PRR23E: variants seen among roughly 807,000 people sequenced by gnomAD.
PRR23E encodes PRR23 family member E, also known as proline-rich protein 23E.
At chr3:127,196,246 G>A in the PRR23E span, among the ~76,000 whole-genome samples, 1 of 152,176 alleles carries the variant, frequency 6.6e-6, no homozygotes, top group Admixed American at 6.5e-5. Flanking sequence ...GTCAGCTTAG[G>A]GGCTTTGCTG....
At chr3:127,196,129 G>A in the PRR23E span, among the ~76,000 whole-genome samples, 4 of 152,160 alleles carry the variant, frequency 2.6e-5, no homozygotes, top group Admixed American at 2.0e-4. Flanking sequence ...TGCTTTGTGG[G>A]GCAAGCATCT....
At chr3:127,196,660 G>T in the PRR23E span, 1 of 1,561,238 alleles carries the variant, frequency 6.4e-7, no homozygotes, top group Non-Finnish European at 8.6e-7. Flanking sequence ...ACACTTCGGG[G>T]CTTTGAAGAG....
At chr3:127,193,622 C>T in the PRR23E span, among the ~76,000 whole-genome samples, 830 of 152,296 alleles carry the variant, frequency 5.4e-3, 7 homozygotes, top group South Asian at 0.033. Flanking sequence ...TTAATGTGTT[C>T]TCTGTTCTGC....
chr3:127,196,551 G>C, the PRR23E span: 5 of 1,395,530 alleles, frequency 3.6e-6, no homozygotes, highest in Middle Eastern at 2.2e-4. Flanking sequence ...GTGCGACCTG[G>C]TCTCCCTGCC....
the PRR23E span, chr3:127,197,257 C>T: frequency 1.9e-6 from 3 of 1,599,446 alleles, no homozygotes; most frequent in East Asian, 6.7e-5. Flanking sequence ...TCAGAATGGG[C>T]CTCCAGGTTC....
chr3:127,195,294 G>A, the PRR23E span, among the ~76,000 whole-genome samples: 1 of 152,104 alleles, frequency 6.6e-6, no homozygotes, highest in Non-Finnish European at 1.5e-5. Context: ...TTCCTTTCCC[G>A]GGCCGGTTTC....
At chr3:127,193,434 A>G in the PRR23E span, among the ~76,000 whole-genome samples, 57 of 151,702 alleles carry the variant, frequency 3.8e-4, no homozygotes, top group African/African-American at 1.4e-3. Flanking sequence ...CTTCTCTTGC[A>G]GTTCAGCAGG....
the PRR23E span, among the ~76,000 whole-genome samples, chr3:127,194,392 C>T: frequency 6.6e-6 from 1 of 152,246 alleles, no homozygotes; most frequent in Non-Finnish European, 1.5e-5. Context: ...TGTGTTGGGC[C>T]ATATTCAAAG....
chr3:127,197,404 T>C, the PRR23E span: 2 of 1,554,992 alleles, frequency 1.3e-6, no homozygotes, highest in Non-Finnish European at 1.7e-6. Flanking sequence ...CGCCGCCTCT[T>C]TGAGTGCTAA....
chr3:127,197,056 C>T, the PRR23E span: 8 of 1,594,400 alleles, frequency 5.0e-6, no homozygotes, highest in African/African-American at 9.4e-5. Context: ...GCTGCCTTGG[C>T]CCCCAACCTA....
the PRR23E span, chr3:127,197,378 A>G: frequency 6.4e-7 from 1 of 1,550,824 alleles, no homozygotes; most frequent in Non-Finnish European, 8.7e-7. Context: ...CCTCCCGGTC[A>G]CCCTGCAGGG....
chr3:127,197,021 C>A, the PRR23E span: 39 of 1,596,952 alleles, frequency 2.4e-5, no homozygotes, highest in Non-Finnish European at 3.2e-5. Flanking sequence ...CCAGCTTTGA[C>A]CCCCTCATAG....
At chr3:127,197,280 C>T in the PRR23E span, 1 of 1,599,442 alleles carries the variant, frequency 6.3e-7, no homozygotes, top group Admixed American at 1.7e-5. Context: ...TATTTGGGCA[C>T]CTTTGCCCTG....
the PRR23E span, chr3:127,196,616 G>A: frequency 6.7e-7 from 1 of 1,482,788 alleles, no homozygotes. Context: ...TGAGGTGCGT[G>A]TGGCCTCAGC....
chr3:127,193,568 T>C, the PRR23E span, among the ~76,000 whole-genome samples: 2 of 151,940 alleles, frequency 1.3e-5, no homozygotes, highest in African/African-American at 4.8e-5. Flanking sequence ...CGCAGAATCA[T>C]CCCTCCACCC....
the PRR23E span, chr3:127,193,165 T>A: frequency 1.3e-5 from 2 of 152,274 alleles, no homozygotes; most frequent in African/African-American, 4.8e-5. Flanking sequence ...CCGGGGACAG[T>A]AACGCCTAGG....
At chr3:127,194,646 C>T in the PRR23E span, among the ~76,000 whole-genome samples, 2 of 152,274 alleles carry the variant, frequency 1.3e-5, no homozygotes, top group East Asian at 1.9e-4. Context: ...CAGGAGTTGG[C>T]TCCTGCAGTC....
At chr3:127,196,942 A>G in the PRR23E span, 4,860 of 1,599,430 alleles carry the variant, frequency 3.0e-3, 10 homozygotes, top group Non-Finnish European at 3.8e-3. Context: ...TATGGTGGGT[A>G]TCTCTGGATG....
At chr3:127,197,389 C>CCCG in the PRR23E span, 1 of 1,558,094 alleles carries the variant, frequency 6.4e-7, no homozygotes, top group Non-Finnish European at 8.6e-7. Context: ...CCCTGCAGGG[C>CCCG]CCGCCGCCGC....
Sources: allele counts gnomAD v4.1 joint callset (sites outside exome capture counted in the v4.1 genomes callset), GRCh38; gene constraint gnomAD v4.1.1; transcripts MANE v1.5; gene names NCBI Gene and HGNC (gene_info 2026-07-23, HGNC 2026-07-21).